The following BCKDHB variants were observed in gnomAD, a reference collection of about 807,000 sequenced individuals.
The protein encoded by BCKDHB is branched chain keto acid dehydrogenase E1 subunit beta.
In BCKDHB, 41 loss-of-function variants were observed where a neutral mutation model predicts 48.5. The ratio of observed to expected loss-of-function variants is 0.85; its 90% CI spans 0.66 to 1.10. The LOEUF (loss-of-function observed/expected upper bound fraction) is 1.10. BCKDHB is among the 50% of genes least tolerant of loss of function. The pLI, the probability that BCKDHB is intolerant of heterozygous loss-of-function variation, is 0.00. For missense variants in BCKDHB, 496 were observed against 494.2 expected (o/e 1.00, Z -0.03); for synonymous variants, 201 against 174.8 (o/e 1.15, Z -1.18).
chr6:80,210,452 G>A (rs942214872), intron 8 of BCKDHB, among the ~76,000 whole-genome samples: 20 of 152,252 alleles, frequency 1.3e-4, no homozygotes, highest in African/African-American at 4.8e-4. Flanking sequence ...TTGGAAGAGT[G>A]TGTAAGGGCT....
the BCKDHB span, among the ~76,000 whole-genome samples, chr6:80,413,370 T>C: frequency 6.6e-6 from 1 of 152,112 alleles, no homozygotes; most frequent in Non-Finnish European, 1.5e-5. Context: ...GTCATGGAGG[T>C]TTGTTTTACA....
the BCKDHB span, among the ~76,000 whole-genome samples, chr6:80,458,072 A>T: frequency 6.6e-6 from 1 of 152,178 alleles, no homozygotes; most frequent in Non-Finnish European, 1.5e-5. Flanking sequence ...CTATCACAGA[A>T]CCCAGTTATA....
intron 6 of BCKDHB, among the ~76,000 whole-genome samples, chr6:80,175,292 A>G (rs1773098981): frequency 6.6e-6 from 1 of 152,212 alleles, no homozygotes; most frequent in Non-Finnish European, 1.5e-5. Flanking sequence ...CACGGGTCAC[A>G]TCTAATCATA....
the BCKDHB span, among the ~76,000 whole-genome samples, chr6:80,361,134 G>A: frequency 2.0e-5 from 3 of 152,086 alleles, no homozygotes; most frequent in African/African-American, 2.4e-5. Flanking sequence ...CTGCATGCCA[G>A]CTTCATTCTT....
At chr6:80,227,811 G>T (rs949445629) in intron 8 of BCKDHB, among the ~76,000 whole-genome samples, 1 of 152,140 alleles carries the variant, frequency 6.6e-6, no homozygotes, top group Non-Finnish European at 1.5e-5. Context: ...TCTACTAATG[G>T]TAGAGATGTT....
the BCKDHB span, chr6:80,374,083 C>A: frequency 1.1e-4 from 79 of 694,874 alleles, no homozygotes; most frequent in Admixed American, 1.4e-3. Context: ...TGGGCAACTT[C>A]TTCTTCTGGT....
chr6:80,223,721 A>G (rs916010038), intron 8 of BCKDHB, among the ~76,000 whole-genome samples: 1 of 152,178 alleles, frequency 6.6e-6, no homozygotes, highest in Non-Finnish European at 1.5e-5. Context: ...TGTGACAGAT[A>G]CGATATGTAG....
At chr6:80,191,252 T>A (rs570057760) in intron 6 of BCKDHB, among the ~76,000 whole-genome samples, 33 of 152,334 alleles carry the variant, frequency 2.2e-4, no homozygotes, top group Non-Finnish European at 1.9e-4. Context: ...TGCAGTCTAA[T>A]AAATATAGCA....
intron 8 of BCKDHB, among the ~76,000 whole-genome samples, chr6:80,241,245 C>T (rs963166165): frequency 1.3e-5 from 2 of 152,168 alleles, no homozygotes; most frequent in Non-Finnish European, 2.9e-5. Flanking sequence ...CTGAAGCCTA[C>T]TTCTGTCAAC....
chr6:80,391,162 T>C, the BCKDHB span, among the ~76,000 whole-genome samples: 1 of 120,468 alleles, frequency 8.3e-6, no homozygotes, highest in African/African-American at 3.0e-5. Context: ...TAATACTTAA[T>C]AAATGCATAT....
intron 8 of BCKDHB, among the ~76,000 whole-genome samples, chr6:80,216,928 A>G (rs777893294): frequency 6.6e-6 from 1 of 152,214 alleles, no homozygotes; most frequent in Non-Finnish European, 1.5e-5. Flanking sequence ...AAGGTTTAAC[A>G]AAAGGATATT....
intron 8 of BCKDHB, among the ~76,000 whole-genome samples, chr6:80,271,838 T>A (rs1287749200): frequency 9.2e-6 from 1 of 108,476 alleles, no homozygotes; most frequent in Non-Finnish European, 1.9e-5. Context: ...AAGAATGATC[T>A]GATTGTCAAA....
chr6:80,245,393 A>G (rs558234621), intron 8 of BCKDHB, among the ~76,000 whole-genome samples: 1 of 152,302 alleles, frequency 6.6e-6, no homozygotes, highest in Non-Finnish European at 1.5e-5. Flanking sequence ...AAATCCCCCA[A>G]AAGCTCAGGA....
intron 9 of BCKDHB, among the ~76,000 whole-genome samples, chr6:80,282,506 C>T (rs1766382745): frequency 6.6e-6 from 1 of 151,958 alleles, no homozygotes; most frequent in South Asian, 2.1e-4. Context: ...TTATTAATGA[C>T]AACAACAGGA....
chr6:80,245,203 A>G (rs1223296664), intron 8 of BCKDHB, among the ~76,000 whole-genome samples: 2 of 152,152 alleles, frequency 1.3e-5, no homozygotes, highest in Admixed American at 1.3e-4. Flanking sequence ...AAAGGTGCTT[A>G]TACTGTCTTA....
chr6:80,321,887 C>G (rs1386822833), intron 9 of BCKDHB, among the ~76,000 whole-genome samples: 1 of 152,064 alleles, frequency 6.6e-6, no homozygotes, highest in Non-Finnish European at 1.5e-5. Flanking sequence ...ATCATGAAAT[C>G]AAATGTGTTT....
the BCKDHB span, among the ~76,000 whole-genome samples, chr6:80,430,805 G>A: frequency 0.037 from 5,555 of 151,790 alleles, 348 homozygotes; most frequent in African/African-American, 0.13. Context: ...AGGGTTTTTT[G>A]TGTCTCTATC....
intron 9 of BCKDHB, among the ~76,000 whole-genome samples, chr6:80,297,438 A>T (rs116029018): frequency 6.6e-6 from 1 of 152,150 alleles, no homozygotes; most frequent in Non-Finnish European, 1.5e-5. Flanking sequence ...AAGTTTTTTC[A>T]TATATAAACA....
intron 8 of BCKDHB, among the ~76,000 whole-genome samples, chr6:80,248,917 T>A (rs1360967504): frequency 1.3e-5 from 2 of 151,608 alleles, no homozygotes; most frequent in African/African-American, 4.9e-5. Context: ...TGTGTGTGTG[T>A]GTGTGTGTGT....
Sources: allele counts gnomAD v4.1 joint callset (sites outside exome capture counted in the v4.1 genomes callset), GRCh38; gene constraint gnomAD v4.1.1; transcripts MANE v1.5; gene names NCBI Gene and HGNC (gene_info 2026-07-23, HGNC 2026-07-21).